FAF1: variants seen among roughly 807,000 people sequenced by gnomAD.
FAF1 encodes FAS-associated factor 1.
In FAF1, 25 loss-of-function variants were observed where a neutral mutation model predicts 92.5. That is an observed-to-expected ratio of 0.27 (90% CI 0.20 to 0.38). The LOEUF (loss-of-function observed/expected upper bound fraction) is 0.38, where lower values mean the gene tolerates loss of function less well. Ranked by LOEUF, FAF1 falls within the 10% of genes least tolerant of loss-of-function variation. FAF1 has a pLI of 1.00. For missense variants in FAF1, 636 were observed against 793.3 expected (o/e 0.80, Z 2.38); for synonymous variants, 234 against 273.2 (o/e 0.86, Z 1.42).
chr1:50,667,389 C>T (rs199790509), intron 7 of FAF1, among the ~76,000 whole-genome samples: 3 of 152,258 alleles, frequency 2.0e-5, no homozygotes, highest in South Asian at 4.1e-4. Flanking sequence ...CAATTATGCC[C>T]TATCCTGTTA....
chr1:50,670,665 GT>G (rs1245473894), intron 7 of FAF1, among the ~76,000 whole-genome samples: 1 of 152,030 alleles, frequency 6.6e-6, no homozygotes, highest in Non-Finnish European at 1.5e-5. Flanking sequence ...GGATTCTCAG[GT>G]TCATGCCTGG....
At chr1:50,883,833 C>T (rs144880911) in intron 1 of FAF1, among the ~76,000 whole-genome samples, 8 of 152,174 alleles carry the variant, frequency 5.3e-5, no homozygotes, top group Admixed American at 2.6e-4. Flanking sequence ...ATTGAGTATA[C>T]GGGAAATTAG....
At chr1:50,510,389 C>T (rs1218368150) in intron 15 of FAF1, among the ~76,000 whole-genome samples, 1 of 151,836 alleles carries the variant, frequency 6.6e-6, no homozygotes, top group Admixed American at 6.6e-5. Flanking sequence ...TTAGGGAGGA[C>T]CTGGGGCAAA....
At chr1:50,885,324 A>ACACACCCACACACACACACC (rs1644651416) in intron 1 of FAF1, among the ~76,000 whole-genome samples, 1 of 102,214 alleles carries the variant, frequency 9.8e-6, no homozygotes, top group Non-Finnish European at 2.1e-5. Context: ...ACACACACAC[A>ACACACCCACACACACACACC]CTCTCTCTCT....
chr1:50,509,173 A>T (rs1164373834), intron 15 of FAF1, among the ~76,000 whole-genome samples: 1 of 152,266 alleles, frequency 6.6e-6, no homozygotes, highest in Non-Finnish European at 1.5e-5. Context: ...ATTCAACCAT[A>T]AAAAGAATGA....
intron 15 of FAF1, among the ~76,000 whole-genome samples, chr1:50,512,802 T>C (rs926293208): frequency 2.6e-5 from 4 of 152,222 alleles, no homozygotes; most frequent in Admixed American, 1.3e-4. Flanking sequence ...GGGGATAGCA[T>C]TGAATCTATA....
intron 14 of FAF1, among the ~76,000 whole-genome samples, chr1:50,536,273 T>G (rs1170594480): frequency 6.6e-6 from 1 of 152,206 alleles, no homozygotes; most frequent in Non-Finnish European, 1.5e-5. Context: ...TGCCATTTCC[T>G]GAACACATTT....
At chr1:50,786,065 G>A (rs146854843) in intron 4 of FAF1, among the ~76,000 whole-genome samples, 1 of 151,974 alleles carries the variant, frequency 6.6e-6, no homozygotes, top group African/African-American at 2.4e-5. Flanking sequence ...CCCAGAGTTT[G>A]AGGCTACAGT....
At chr1:50,720,741 G>C (rs903908866) in intron 6 of FAF1, among the ~76,000 whole-genome samples, 2 of 152,158 alleles carry the variant, frequency 1.3e-5, no homozygotes, top group Admixed American at 1.3e-4. Flanking sequence ...AAAGGAGACT[G>C]AAGGCTGAAA....
At chr1:50,801,699 G>A (rs932662391) in intron 2 of FAF1, 22 bp from the exon 3 acceptor site, 1 of 1,528,260 alleles carries the variant, frequency 6.5e-7, no homozygotes. Flanking sequence ...AAACAGAGAA[G>A]GCCATTTAAA....
chr1:50,819,430 T>C (rs1369650611), intron 2 of FAF1, among the ~76,000 whole-genome samples: 1 of 149,710 alleles, frequency 6.7e-6, no homozygotes, highest in Admixed American at 6.7e-5. Flanking sequence ...GCCTGGGCAA[T>C]ACAGCAAGAC....
intron 3 of FAF1, among the ~76,000 whole-genome samples, chr1:50,800,799 G>A (rs1335930113): frequency 6.6e-6 from 1 of 152,046 alleles, no homozygotes; most frequent in Non-Finnish European, 1.5e-5. Context: ...TGCTGTTTCT[G>A]TTCGCCTCAT....
At chr1:50,938,458 G>A (rs1323495950) in intron 1 of FAF1, among the ~76,000 whole-genome samples, 1 of 152,222 alleles carries the variant, frequency 6.6e-6, no homozygotes, top group Non-Finnish European at 1.5e-5. Context: ...CCCTGGAAAT[G>A]CTATGGCTCT....
chr1:50,853,254 T>C (rs1478109308), intron 2 of FAF1, among the ~76,000 whole-genome samples: 1 of 152,134 alleles, frequency 6.6e-6, no homozygotes, highest in African/African-American at 2.4e-5. Flanking sequence ...GATATGTTCC[T>C]TCAAAAGTGA....
chr1:50,452,538 T>A (rs1180344623), intron 18 of FAF1, among the ~76,000 whole-genome samples: 1 of 152,196 alleles, frequency 6.6e-6, no homozygotes, highest in Non-Finnish European at 1.5e-5. Flanking sequence ...TTAGGGGACA[T>A]GCCTCACTTT....
At chr1:50,738,072 T>G (rs115471093) in intron 6 of FAF1, among the ~76,000 whole-genome samples, 138 of 152,284 alleles carry the variant, frequency 9.1e-4, no homozygotes, top group African/African-American at 3.2e-3. Context: ...CATGTGATCA[T>G]TGTATAAATG....
chr1:50,630,908 A>G (rs902519293), intron 8 of FAF1, among the ~76,000 whole-genome samples: 2 of 148,678 alleles, frequency 1.3e-5, no homozygotes, highest in African/African-American at 5.0e-5. Context: ...GGTTCAAGCA[A>G]TTCTCTGCCC....
chr1:50,875,653 A>G (rs1243443317), intron 1 of FAF1, among the ~76,000 whole-genome samples: 1 of 152,052 alleles, frequency 6.6e-6, no homozygotes, highest in African/African-American at 2.4e-5. Flanking sequence ...GGATTTCACC[A>G]TGTTGGTCAG....
At chr1:50,894,313 A>G (rs1252219043) in intron 1 of FAF1, among the ~76,000 whole-genome samples, 1 of 143,950 alleles carries the variant, frequency 6.9e-6, no homozygotes, top group African/African-American at 2.9e-5. Context: ...TTAAAAAAAA[A>G]AAAAAAAAAA....
Sources: allele counts gnomAD v4.1 joint callset (sites outside exome capture counted in the v4.1 genomes callset), GRCh38; gene constraint gnomAD v4.1.1; transcripts MANE v1.5; gene names NCBI Gene and HGNC (gene_info 2026-07-23, HGNC 2026-07-21).